The following KSR1 variants were observed in gnomAD, a reference collection of about 807,000 sequenced individuals.
KSR1 encodes the protein kinase suppressor of ras 1, also known as kinase suppressor of ras.
In KSR1, 35 loss-of-function variants were observed where a neutral mutation model predicts 92.9. The ratio of observed to expected loss-of-function variants is 0.38; its 90% CI spans 0.29 to 0.50. The LOEUF is 0.50. Ranked by LOEUF, KSR1 falls within the 20% of genes least tolerant of loss-of-function variation. The probability of loss-of-function intolerance (pLI) is 0.94; values close to 1 mark genes in which losing one functional copy is unlikely to be tolerated. For synonymous variants in KSR1, 467 were observed against 472.6 expected (o/e 0.99, Z 0.15); for missense variants, 972 against 1,158.5 (o/e 0.84, Z 2.34).
chr17:27,562,722 A>C (rs1035229998), intron 2 of KSR1, among the ~76,000 whole-genome samples: 1 of 152,210 alleles, frequency 6.6e-6, no homozygotes, highest in Non-Finnish European at 1.5e-5. Flanking sequence ...TAAAGCAGCA[A>C]TCTCTTATTA....
chr17:27,602,773 G>A (rs976875292), intron 11 of KSR1, among the ~76,000 whole-genome samples: 8 of 152,208 alleles, frequency 5.3e-5, no homozygotes, highest in Non-Finnish European at 2.9e-5. Context: ...AGGCTTCTAA[G>A]GTTCTGATCC....
chr17:27,572,350 C>T (rs904338701), intron 2 of KSR1, among the ~76,000 whole-genome samples: 3 of 152,188 alleles, frequency 2.0e-5, no homozygotes, highest in African/African-American at 7.2e-5. Flanking sequence ...GGGCATCTCT[C>T]AAGATGGATT....
intron 2 of KSR1, 34 bp downstream of exon 2, chr17:27,550,742 A>G (rs768937170): frequency 1.3e-6 from 1 of 750,534 alleles, no homozygotes; most frequent in Non-Finnish European, 2.5e-6. Context: ...AGGGATAGGC[A>G]TGAGGGGCCA....
intron 2 of KSR1, among the ~76,000 whole-genome samples, chr17:27,565,702 G>C (rs2072035199): frequency 6.6e-6 from 1 of 152,158 alleles, no homozygotes; most frequent in African/African-American, 2.4e-5. Flanking sequence ...TGGAATTACA[G>C]GTGTGAGCCA....
intron 20 of KSR1, chr17:27,622,978 C>G (rs1046545913): frequency 6.0e-6 from 2 of 331,498 alleles, no homozygotes; most frequent in Non-Finnish European, 1.1e-5. Flanking sequence ...TCATGTTTCT[C>G]TTCTCTCTCA....
intron 1 of KSR1, among the ~76,000 whole-genome samples, chr17:27,540,109 C>T (rs1297603595): frequency 6.6e-6 from 1 of 152,236 alleles, no homozygotes; most frequent in Non-Finnish European, 1.5e-5. Flanking sequence ...TCCCTGACTG[C>T]TCATGCTTAG....
At chr17:27,492,940 C>T (rs1254003479) in intron 1 of KSR1, among the ~76,000 whole-genome samples, 1 of 152,160 alleles carries the variant, frequency 6.6e-6, no homozygotes, top group Non-Finnish European at 1.5e-5. Flanking sequence ...CATTCCCAGC[C>T]TTACTTTTTG....
chr17:27,470,727 GGTAA>G (rs1344406918), intron 1 of KSR1, among the ~76,000 whole-genome samples: 4 of 151,986 alleles, frequency 2.6e-5, no homozygotes, highest in Non-Finnish European at 5.9e-5. Context: ...TGTACTCCTG[GGTAA>G]GTATCTCATA....
intron 1 of KSR1, among the ~76,000 whole-genome samples, chr17:27,491,400 G>A (rs777958073): frequency 4.0e-5 from 6 of 151,592 alleles, no homozygotes; most frequent in Non-Finnish European, 5.9e-5. Context: ...TTCTTGCCCA[G>A]GCTGGTCTTG....
intron 2 of KSR1, chr17:27,560,536 G>A (rs2071787259): frequency 1.9e-6 from 1 of 515,954 alleles, no homozygotes; most frequent in Admixed American, 2.0e-5. Context: ...CTGTGTTTAA[G>A]ATGAGGCCTT....
intron 10 of KSR1, among the ~76,000 whole-genome samples, chr17:27,598,160 A>G (rs2073414430): frequency 6.6e-6 from 1 of 152,076 alleles, no homozygotes; most frequent in South Asian, 2.1e-4. Flanking sequence ...CCATTTTGGG[A>G]CTGAGCTGCT....
At chr17:27,558,095 T>G (rs186473375) in intron 2 of KSR1, 1 of 152,704 alleles carries the variant, frequency 6.5e-6, no homozygotes, top group East Asian at 1.9e-4. Flanking sequence ...GATGGGAGTT[T>G]TAAATTTTTC....
intron 1 of KSR1, among the ~76,000 whole-genome samples, chr17:27,532,979 G>C (rs1487833866): frequency 1.3e-5 from 2 of 152,200 alleles, no homozygotes; most frequent in African/African-American, 4.8e-5. Context: ...GGTGACGTTG[G>C]GTTGGCTTCC....
At chr17:27,551,994 C>G (rs536063803) in intron 2 of KSR1, among the ~76,000 whole-genome samples, 46 of 152,300 alleles carry the variant, frequency 3.0e-4, no homozygotes, top group Admixed American at 5.9e-4. Flanking sequence ...GTTTGCTCAC[C>G]TTCTCCTTTG....
intron 1 of KSR1, among the ~76,000 whole-genome samples, chr17:27,477,380 G>T (rs995869796): frequency 1.3e-5 from 2 of 152,140 alleles, no homozygotes; most frequent in East Asian, 3.9e-4. Flanking sequence ...ACCTCTAGCT[G>T]CCCTGGAAAC....
intron 1 of KSR1, among the ~76,000 whole-genome samples, chr17:27,510,662 C>T (rs2069565526): frequency 6.6e-6 from 1 of 152,232 alleles, no homozygotes; most frequent in Non-Finnish European, 1.5e-5. Flanking sequence ...AGTGAGGCTG[C>T]ACTGCCGTCC....
chr17:27,475,386 TA>T (rs1254705417), intron 1 of KSR1, among the ~76,000 whole-genome samples: 1 of 152,220 alleles, frequency 6.6e-6, no homozygotes, highest in Admixed American at 6.5e-5. Context: ...TATGTCTTAC[TA>T]AAAAATGGAG....
chr17:27,623,608 T>C lies in KSR1; in HGVS notation c.*216T>C. The C allele has an allele frequency of 8.0e-6, 5 of 624,768 alleles. No individual in the cohort carries two copies. The highest frequency in any genetic ancestry group is 1.4e-5 in the Non-Finnish European group (5 of 353,700). 38.7% of individuals were successfully genotyped at this position (624,768 alleles called of 1,614,324 possible). On this transcript the variant is annotated 3_prime_UTR_variant, in exon 21 of 21. Coordinates refer to ENST00000644974, the MANE Select transcript of KSR1 (RefSeq NM_001394583.1). The stretch of plus-strand genomic sequence containing the variant: ...ACACCACCAACAACCAAACCTGTCA[T>C]GACAGACAGCAAATGTTTACACGTA...
intron 1 of KSR1, among the ~76,000 whole-genome samples, chr17:27,539,548 G>A (rs752174010): frequency 6.6e-6 from 1 of 152,214 alleles, no homozygotes. Context: ...TGCCGCTTAC[G>A]ACCGTTGTCC....
Sources: gnomAD v4.1 joint callset for allele counts (sites outside exome capture counted in the v4.1 genomes callset) on GRCh38, gnomAD v4.1.1 for gene constraint, MANE v1.5 for transcripts, NCBI Gene and HGNC (gene_info 2026-07-23, HGNC 2026-07-21) for gene names.